Variants in SPAG17 observed in about 807,000 individuals in gnomAD.
SPAG17 encodes the protein sperm associated antigen 17.
A neutral mutation model predicts 273.6 loss-of-function variants in SPAG17; 169 were observed. That is an observed-to-expected ratio of 0.62 (90% confidence interval 0.55 to 0.70). The LOEUF is 0.70. Ranked by LOEUF, SPAG17 falls within the 30% of genes least tolerant of loss-of-function variation. The pLI is 0.00. For synonymous variants in SPAG17, 825 were observed against 873.2 expected (o/e 0.94, Z 0.97); for missense variants, 2,557 against 2,627.8 (o/e 0.97, Z 0.59).
At position 117,953,635 on chromosome 1, in the gene SPAG17, T is replaced by C. The variant is rs1009292303; in HGVS notation, c.*415A>G. The C allele has an allele frequency of 2.9e-6, 4 of 1,371,050 alleles. No individual in the cohort carries two copies. Among genetic ancestry groups the C allele is most frequent in the Non-Finnish European group, 4.0e-6 (4 of 1,001,398 alleles). 84.9% of individuals were successfully genotyped at this position (1,371,050 alleles called of 1,614,324 possible). ...CTGTATCAACCAGAAAGCCATTTTT[T>C]TGGCAAAAAGTTGATGAGATTTAAA... On this transcript the variant is annotated 3_prime_UTR_variant, in exon 49 of 49. Transcript: ENST00000336338.
At chr1:118,105,338 T>C (rs141695065) in intron 4 of SPAG17, among the ~76,000 whole-genome samples, 191 of 152,260 alleles carry the variant, frequency 1.3e-3, no homozygotes, top group African/African-American at 4.3e-3. Flanking sequence ...TGAGAACTTA[T>C]TGAAAATGTT....
chr1:118,091,175 C>T (rs1570676648), intron 10 of SPAG17, among the ~76,000 whole-genome samples: 1 of 152,124 alleles, frequency 6.6e-6, no homozygotes, highest in Middle Eastern at 3.4e-3. Flanking sequence ...CAATAAAATA[C>T]TTATTAAGAC....
Position 118,005,474 on chromosome 1 carries a change from G to A in SPAG17, c.4716C>T (p.Ile1572=), listed in dbSNP as rs1355535211. Residue 1572 remains isoleucine, a synonymous_variant, in exon 32 of 49, where the codon ATC becomes ATT. Coordinates refer to ENST00000336338, the MANE Select transcript of SPAG17 (RefSeq NM_206996.4). ...AGATAACCTCTGAAGTATGCCTCAT[G>A]ATGTACCTGCCAGCTCGCAGCTGCT... is the stretch of plus-strand genomic sequence containing the variant. ...KREQLRAGRY[I]MRHTSEVICE... The A allele has an allele frequency of 2.5e-6, 4 of 1,613,712 alleles. No homozygotes were observed. Among genetic ancestry groups the A allele is most frequent in the Admixed American group, 1.7e-5 (1 of 59,998 alleles).
At chr1:117,988,243 T>G in intron 38 of SPAG17, 39 bp from the exon 39 acceptor site, 26 of 1,428,276 alleles carry the variant, frequency 1.8e-5, no homozygotes, top group Non-Finnish European at 2.4e-5. Flanking sequence ...TCCCCACTTC[T>G]TTATAGGGCA....
chr1:117,955,000 G>T, intron 48 of SPAG17: 1 of 380,200 alleles, frequency 2.6e-6, no homozygotes, highest in Non-Finnish European at 4.7e-6. Flanking sequence ...GAAGAGTGAT[G>T]GGAGAATGTA....
chr1:118,036,191 A>AAAAG (rs981458325), intron 24 of SPAG17, among the ~76,000 whole-genome samples: 15 of 152,150 alleles, frequency 9.9e-5, no homozygotes, highest in South Asian at 4.1e-4. Context: ...CTGTCTCAGA[A>AAAAG]AAAGAAAGAA....
chr1:117,987,956 C>A, intron 39 of SPAG17, 75 bp from the exon 40 acceptor site: 1 of 1,534,746 alleles, frequency 6.5e-7, no homozygotes, highest in Non-Finnish European at 9.0e-7. Context: ...AAAACCCTCA[C>A]CACTATATGA....
intron 3 of SPAG17, among the ~76,000 whole-genome samples, chr1:118,130,159 G>C (rs1236274681): frequency 1.3e-5 from 2 of 152,168 alleles, no homozygotes; most frequent in Admixed American, 6.5e-5. Context: ...GAGGCATACA[G>C]GGTATGTCTC....
intron 3 of SPAG17, among the ~76,000 whole-genome samples, chr1:118,115,662 T>A (rs536294187): frequency 1.3e-5 from 2 of 152,192 alleles, no homozygotes; most frequent in Non-Finnish European, 2.9e-5. Flanking sequence ...GAATATCGAC[T>A]TCTTTTTCCA....
rs1323092651 is a variant in SPAG17 at position 117,955,436 on chromosome 1, T to A, written c.*1-1387A>T. On this transcript the variant is annotated intron_variant, in intron 48 of 48. Transcript: ENST00000336338. ...AGTGCTTATCTGAACGGGAAATAAA[T>A]AGAAATTATAATTGATGGTTATCTT... 23 of 1,323,126 alleles carry A rather than the reference T, an allele frequency of 1.7e-5. No individual in the cohort carries two copies. In the South Asian group the frequency reaches 2.3e-4, roughly 13 times the overall value. The allele number at this position is 1,323,126 out of a possible 1,614,324, so 82.0% of individuals were successfully genotyped here.
At chr1:118,047,626 C>G (rs938913247) in intron 20 of SPAG17, among the ~76,000 whole-genome samples, 4 of 152,138 alleles carry the variant, frequency 2.6e-5, no homozygotes, top group Non-Finnish European at 4.4e-5. Flanking sequence ...CATGCAGATC[C>G]GGCTTCCAGG....
In SPAG17 at chr1:118,081,081, A is replaced by G; in HGVS notation, c.2209+20T>C. On this transcript the variant is annotated intron_variant, in intron 15 of 48. Coordinates refer to ENST00000336338, the MANE Select transcript of SPAG17 (RefSeq NM_206996.4). ...CTTACACACACACACACACACACACACACACACACTTTAACTTACCCAGAG... is the reference window on the plus strand; with the variant it reads ...CTTACACACACACACACACACACACGCACACACACTTTAACTTACCCAGAG... 6.4e-7 allele frequency: 1 copy of G among 1,559,034 alleles called. No individual in the cohort carries two copies. Among genetic ancestry groups the G allele is most frequent in the Non-Finnish European group, 8.8e-7 (1 of 1,130,446 alleles).
chr1:118,066,414 A>C (rs1180247623), intron 18 of SPAG17, among the ~76,000 whole-genome samples: 1 of 152,182 alleles, frequency 6.6e-6, no homozygotes, highest in African/African-American at 2.4e-5. Context: ...GCAGAATGTC[A>C]TGTTTTATAG....
intron 7 of SPAG17, among the ~76,000 whole-genome samples, 153 bp from the exon 8 acceptor site, chr1:118,093,470 C>A (rs1454193885): frequency 6.6e-6 from 1 of 152,130 alleles, no homozygotes; most frequent in Non-Finnish European, 1.5e-5. Flanking sequence ...ACCATGGTGA[C>A]CCCATTTATA....
chr1:118,038,054 C>CA (rs998526389), intron 23 of SPAG17, among the ~76,000 whole-genome samples: 188 of 152,168 alleles, frequency 1.2e-3, no homozygotes, highest in African/African-American at 4.2e-3. Flanking sequence ...GACTATTACT[C>CA]AAAATGTATG....
chr1:118,087,621 T>C (rs1558003734), intron 10 of SPAG17, among the ~76,000 whole-genome samples: 3 of 152,218 alleles, frequency 2.0e-5, no homozygotes, highest in Non-Finnish European at 2.9e-5. Context: ...GTAAATGTAA[T>C]AGTGTCTCCT....
chr1:118,148,481 G>T (rs1244032294), intron 3 of SPAG17, among the ~76,000 whole-genome samples: 2 of 150,232 alleles, frequency 1.3e-5, no homozygotes, highest in Non-Finnish European at 3.0e-5. Flanking sequence ...CCACTTTACA[G>T]AGCGCTGATT....
chr1:118,164,628 T>C lies in SPAG17; in HGVS notation c.88-13259A>G, dbSNP rs188632779. On this transcript the variant is annotated intron_variant, in intron 1 of 48. Transcript: ENST00000336338. ...TATAGGGTCTGTTTAAGCTTCCAGC[T>C]ACTCTCATCTCCAATCTATTAGTTT... Among the ~76,000 whole-genome samples the C allele has an allele frequency of 1.7e-3, 265 of 152,352 alleles. 1 individual carries two copies. The highest frequency in any genetic ancestry group is 3.0e-3 in the Non-Finnish European group (207 of 68,032).
chr1:118,085,816 T>C, intron 13 of SPAG17, 106 bp downstream of exon 13: 2 of 1,128,874 alleles, frequency 1.8e-6, no homozygotes, highest in African/African-American at 1.6e-5. Context: ...CTCTGAAAGG[T>C]CTTTCAATAA....
Sources: allele counts gnomAD v4.1 joint callset (sites outside exome capture counted in the v4.1 genomes callset), GRCh38; gene constraint gnomAD v4.1.1; transcripts MANE v1.5; gene names NCBI Gene and HGNC (gene_info 2026-07-23, HGNC 2026-07-21).